Variants in ZBTB20 observed in about 807,000 individuals in gnomAD.
The protein encoded by ZBTB20 is zinc finger and BTB domain-containing protein 20.
In ZBTB20, 9 loss-of-function variants were observed where a neutral mutation model predicts 56.9. The observed-to-expected ratio is 0.16, with a 90% CI of 0.10 to 0.28. ZBTB20 has a LOEUF of 0.28. ZBTB20 is among the 10% of genes least tolerant of loss of function. The probability of loss-of-function intolerance (pLI) is 1.00; values close to 1 mark genes in which losing one functional copy is unlikely to be tolerated. For synonymous variants in ZBTB20, 417 were observed against 420.7 expected (o/e 0.99, Z 0.11); for missense variants, 655 against 1,003.0 (o/e 0.65, Z 4.69).
chr3:114,675,785 C>T (rs2061592947), intron 6 of ZBTB20, among the ~76,000 whole-genome samples: 1 of 152,088 alleles, frequency 6.6e-6, no homozygotes, highest in African/African-American at 2.4e-5. Flanking sequence ...ATATTCACTT[C>T]GCTTACAATT....
intron 4 of ZBTB20, among the ~76,000 whole-genome samples, chr3:114,823,687 T>C (rs1579032642): frequency 6.6e-6 from 1 of 152,074 alleles, no homozygotes; most frequent in East Asian, 1.9e-4. Flanking sequence ...GTGCAGTTGT[T>C]GTACTATATT....
At chr3:114,716,864 T>G (rs2064516669) in intron 5 of ZBTB20, among the ~76,000 whole-genome samples, 1 of 152,026 alleles carries the variant, frequency 6.6e-6, no homozygotes, top group Non-Finnish European at 1.5e-5. Flanking sequence ...CTGAAAGTTC[T>G]GAGGAAAGTG....
intron 6 of ZBTB20, among the ~76,000 whole-genome samples, chr3:114,677,254 C>G (rs140917531): frequency 6.6e-6 from 1 of 152,118 alleles, no homozygotes; most frequent in Non-Finnish European, 1.5e-5. Context: ...CAATTGAATT[C>G]TTTATTTCTG....
intron 7 of ZBTB20, among the ~76,000 whole-genome samples, chr3:114,412,190 C>T (rs543038536): frequency 2.0e-5 from 3 of 152,154 alleles, no homozygotes; most frequent in Non-Finnish European, 2.9e-5. Flanking sequence ...CCCTGCTCTA[C>T]AACTTACTAA....
chr3:115,073,290 C>T lies in ZBTB20; in HGVS notation c.-702-1876G>A, dbSNP rs554391356. On this transcript the variant is annotated intron_variant, in intron 1 of 11. Coordinates refer to ENST00000675478, the MANE Select transcript of ZBTB20 (RefSeq NM_001348800.3). Reference sequence around the variant, plus strand: ...TTTCCATGTATTCAACTTGTTTGTTCTAAATAATCTACTTCAAACTACTGT... The same window carrying T: ...TTTCCATGTATTCAACTTGTTTGTTTTAAATAATCTACTTCAAACTACTGT... Among the ~76,000 whole-genome samples the T allele has an allele frequency of 1.8e-4, 27 of 152,238 alleles. No homozygotes were observed. The South Asian group carries it at 5.2e-3, about 29-fold the overall frequency.
At chr3:114,957,438 T>C (rs954285459) in intron 3 of ZBTB20, among the ~76,000 whole-genome samples, 5 of 152,188 alleles carry the variant, frequency 3.3e-5, no homozygotes, top group Non-Finnish European at 7.3e-5. Flanking sequence ...TTTAATTATA[T>C]GACTGCATGT....
intron 5 of ZBTB20, among the ~76,000 whole-genome samples, chr3:114,787,442 CAT>C (rs1229091577): frequency 3.4e-5 from 5 of 148,158 alleles, no homozygotes; most frequent in South Asian, 4.3e-4. Flanking sequence ...CGTATATACA[CAT>C]ATATATACAC....
chr3:114,854,998 T>C (rs1276637087), intron 4 of ZBTB20, among the ~76,000 whole-genome samples: 1 of 152,234 alleles, frequency 6.6e-6, no homozygotes, highest in Non-Finnish European at 1.5e-5. Flanking sequence ...CTGTTTTCTC[T>C]TGTAAAATAA....
chr3:114,688,480 C>T (rs2108296751), intron 6 of ZBTB20: 1 of 151,530 alleles, frequency 6.6e-6, no homozygotes, highest in South Asian at 2.1e-4. Flanking sequence ...CTATCATTTT[C>T]TTAGCAAAAC....
At chr3:114,596,294 T>C (rs565324076) in intron 6 of ZBTB20, among the ~76,000 whole-genome samples, 1 of 152,206 alleles carries the variant, frequency 6.6e-6, no homozygotes, top group Admixed American at 6.5e-5. Context: ...ACTGCCTATA[T>C]GCCATCACCA....
intron 2 of ZBTB20, among the ~76,000 whole-genome samples, chr3:115,054,830 T>G (rs1480795783): frequency 6.6e-6 from 1 of 152,118 alleles, no homozygotes; most frequent in Non-Finnish European, 1.5e-5. Flanking sequence ...TTTTCTTAGC[T>G]CTTTATGCTT....
rs910920978 is a variant in ZBTB20 at position 114,891,391 on chromosome 3, T to A, written c.-417+8913A>T. On this transcript the variant is annotated intron_variant, in intron 4 of 11. Coordinates refer to ENST00000675478, the MANE Select transcript of ZBTB20 (RefSeq NM_001348800.3). ...TATTTTTTAAAAAACCTGTATCATG[T>A]CTCCTCAAGTATCATAAGATTCTTG... Among the ~76,000 whole-genome samples the A allele has an allele frequency of 2.6e-5, 4 of 152,202 alleles. No homozygotes were observed. In the East Asian group the frequency reaches 7.7e-4, roughly 29 times the overall value.
intron 4 of ZBTB20, among the ~76,000 whole-genome samples, chr3:114,853,829 G>A (rs1187246172): frequency 6.6e-6 from 1 of 152,170 alleles, no homozygotes; most frequent in Non-Finnish European, 1.5e-5. Flanking sequence ...GACCTCATGT[G>A]AGTAGCAAAG....
intron 7 of ZBTB20, among the ~76,000 whole-genome samples, chr3:114,424,249 C>G (rs929710615): frequency 6.6e-6 from 1 of 152,148 alleles, no homozygotes; most frequent in Non-Finnish European, 1.5e-5. Flanking sequence ...CACAAGTAAT[C>G]ATAGATACAA....
chr3:114,539,318 A>G (rs371199494), intron 6 of ZBTB20, among the ~76,000 whole-genome samples: 1 of 152,096 alleles, frequency 6.6e-6, no homozygotes, highest in East Asian at 1.9e-4. Flanking sequence ...ATTTTTGGTG[A>G]AATAAGTTTA....
At chr3:114,876,193 T>C (rs2076188530) in intron 4 of ZBTB20, among the ~76,000 whole-genome samples, 1 of 151,908 alleles carries the variant, frequency 6.6e-6, no homozygotes, top group African/African-American at 2.4e-5. Flanking sequence ...CATGAGTAAG[T>C]TCTTTAGTGG....
At chr3:115,031,306 A>C (rs2080667260) in intron 2 of ZBTB20, among the ~76,000 whole-genome samples, 1 of 151,436 alleles carries the variant, frequency 6.6e-6, no homozygotes, top group African/African-American at 2.4e-5. Context: ...CTAACAAAGG[A>C]AAGAATAATT....
rs986525691 is a variant in ZBTB20 at position 115,104,234 on chromosome 3, C to G, written c.-702-32820G>C. On this transcript the variant is annotated intron_variant, in intron 1 of 11. Coordinates refer to ENST00000675478, the MANE Select transcript of ZBTB20 (RefSeq NM_001348800.3). ...ATGCGGATGTGGAGCAACAGGAACT[C>G]TCATTCATTGTTGGTAGGAATGAAA... 3.3e-5 allele frequency among the ~76,000 whole-genome samples: 5 copies of G among 152,166 alleles called. No homozygotes were observed. The East Asian group carries it at 7.7e-4, about 23-fold the overall frequency.
At chr3:114,913,740 T>C (rs1021755391) in intron 3 of ZBTB20, among the ~76,000 whole-genome samples, 1 of 152,024 alleles carries the variant, frequency 6.6e-6, no homozygotes, top group Non-Finnish European at 1.5e-5. Flanking sequence ...CTTTAATTCA[T>C]GTTGATTTCA....
Sources: gnomAD v4.1 joint callset for allele counts (sites outside exome capture counted in the v4.1 genomes callset) on GRCh38, gnomAD v4.1.1 for gene constraint, MANE v1.5 for transcripts, NCBI Gene and HGNC (gene_info 2026-07-23, HGNC 2026-07-21) for gene names.